Variants in SH3D19 observed in about 807,000 individuals in gnomAD.
The protein encoded by SH3D19 is SH3 domain-containing protein 19.
A neutral mutation model predicts 112.1 loss-of-function variants in SH3D19; 58 were observed. The ratio of observed to expected loss-of-function variants is 0.52; its 90% confidence interval spans 0.42 to 0.64. SH3D19 has a LOEUF of 0.64. Ranked by LOEUF, SH3D19 falls within the 30% of genes least tolerant of loss-of-function variation. The pLI, the probability that SH3D19 is intolerant of heterozygous loss-of-function variation, is 0.00. For synonymous variants in SH3D19, 391 were observed against 448.5 expected (o/e 0.87, Z 1.62); for missense variants, 1,090 against 1,263.4 (o/e 0.86, Z 2.08).
At chr4:151,164,926 C>T in intron 8 of SH3D19, among the ~76,000 whole-genome samples, 1 of 152,192 alleles carries the variant, frequency 6.6e-6, no homozygotes, top group Non-Finnish European at 1.5e-5. Flanking sequence ...TTGGTTACTG[C>T]TCTTCACCGA....
intron 1 of SH3D19, among the ~76,000 whole-genome samples, chr4:151,295,303 G>A (rs1237956613): frequency 4.6e-5 from 7 of 152,226 alleles, no homozygotes; most frequent in Non-Finnish European, 1.0e-4. Flanking sequence ...GATGGTAGCA[G>A]AGTCAGAACA....
At chr4:151,216,293 A>G (rs1168678394) in intron 2 of SH3D19, among the ~76,000 whole-genome samples, 1 of 152,244 alleles carries the variant, frequency 6.6e-6, no homozygotes, top group Non-Finnish European at 1.5e-5. Context: ...TAATCAATAC[A>G]TTTGAAGAAT....
intron 1 of SH3D19, chr4:151,262,591 C>G (rs1772460656): frequency 6.6e-6 from 1 of 152,262 alleles, no homozygotes; most frequent in African/African-American, 2.4e-5. Context: ...AGTGTCTGGA[C>G]AGGCCTAACT....
At chr4:151,182,043 C>T (rs901030671) in intron 3 of SH3D19, among the ~76,000 whole-genome samples, 6 of 151,754 alleles carry the variant, frequency 4.0e-5, no homozygotes, top group South Asian at 2.1e-4. Context: ...GGCTGGAGTG[C>T]GGTGGCACAA....
intron 1 of SH3D19, among the ~76,000 whole-genome samples, chr4:151,239,731 C>T (rs1453061342): frequency 1.3e-5 from 2 of 152,026 alleles, no homozygotes; most frequent in Non-Finnish European, 2.9e-5. Flanking sequence ...AGATAGAAGA[C>T]ATAAAAATTA....
chr4:151,280,050 A>C, intron 1 of SH3D19: 1 of 1,454,214 alleles, frequency 6.9e-7, no homozygotes. Flanking sequence ...TGAAAGTGGT[A>C]AAATAGGCAG....
intron 1 of SH3D19, among the ~76,000 whole-genome samples, chr4:151,264,323 C>A (rs545894341): frequency 6.8e-6 from 1 of 146,258 alleles, no homozygotes; most frequent in South Asian, 2.3e-4. Flanking sequence ...CCCAGCCACC[C>A]GGGAGGCTGA....
At chr4:151,202,522 A>T (rs1580134940) in intron 2 of SH3D19, among the ~76,000 whole-genome samples, 1 of 152,308 alleles carries the variant, frequency 6.6e-6, no homozygotes, top group East Asian at 1.9e-4. Flanking sequence ...ACTAAAGATG[A>T]TCCTCCTCAT....
At chr4:151,163,317 A>T (rs1244190269) in intron 8 of SH3D19, among the ~76,000 whole-genome samples, 1 of 152,216 alleles carries the variant, frequency 6.6e-6, no homozygotes, top group East Asian at 1.9e-4. Context: ...TGAATCATCA[A>T]ACCTGGGGGT....
chr4:151,206,956 C>T (rs1003004801), intron 2 of SH3D19, among the ~76,000 whole-genome samples: 12 of 152,192 alleles, frequency 7.9e-5, no homozygotes, highest in Admixed American at 6.5e-4. Flanking sequence ...GCATATCCTA[C>T]CAAGCCCAAA....
chr4:151,228,789 G>A lies in SH3D19; in HGVS notation c.113-2703C>T, dbSNP rs142347880. Among the ~76,000 whole-genome samples, 9 of 152,048 alleles carry A rather than the reference G, an allele frequency of 5.9e-5. No individual in the cohort carries two copies. In the East Asian group the frequency reaches 1.5e-3, roughly 26 times the overall value. ...AAATTTAATCTTGGCTATATATAGT[G>A]CTTTAAGTGTATGGATTTTATTTTA... On this transcript the variant is annotated intron_variant, in intron 1 of 19. Transcript: ENST00000604030.
At chr4:151,208,668 C>A (rs979753103) in intron 2 of SH3D19, among the ~76,000 whole-genome samples, 2 of 135,846 alleles carry the variant, frequency 1.5e-5, no homozygotes, top group African/African-American at 2.6e-5. Flanking sequence ...CTGTGCCCGG[C>A]CCCAGGAAAT....
intron 7 of SH3D19, among the ~76,000 whole-genome samples, chr4:151,169,223 T>C (rs1758623882): frequency 6.6e-6 from 1 of 152,236 alleles, no homozygotes; most frequent in African/African-American, 2.4e-5. Flanking sequence ...TAATTTTTAA[T>C]ACCGTTAGCT....
intron 7 of SH3D19, among the ~76,000 whole-genome samples, chr4:151,168,834 G>GA: frequency 6.6e-6 from 1 of 152,202 alleles, no homozygotes; most frequent in East Asian, 1.9e-4. Flanking sequence ...TGTGAAGGGG[G>GA]AAGAAAATCT....
chr4:151,317,129 G>C (rs1730065399), intron 1 of SH3D19, among the ~76,000 whole-genome samples: 1 of 152,194 alleles, frequency 6.6e-6, no homozygotes, highest in Non-Finnish European at 1.5e-5. Flanking sequence ...GCCCTCACCA[G>C]GGAGACACCG....
intron 1 of SH3D19, among the ~76,000 whole-genome samples, chr4:151,280,660 T>C (rs1333787208): frequency 1.3e-5 from 2 of 152,082 alleles, no homozygotes; most frequent in African/African-American, 4.8e-5. Flanking sequence ...GTGTGGCAGC[T>C]TGCACCTGTA....
At chr4:151,264,523 A>G (rs1237284971) in intron 1 of SH3D19, among the ~76,000 whole-genome samples, 1 of 152,124 alleles carries the variant, frequency 6.6e-6, no homozygotes, top group Admixed American at 6.5e-5. Flanking sequence ...CAAGGTGTGA[A>G]TATCAGGAGC....
chr4:151,209,852 C>T (rs1561347136), intron 2 of SH3D19, among the ~76,000 whole-genome samples: 1 of 152,066 alleles, frequency 6.6e-6, no homozygotes, highest in East Asian at 1.9e-4. Context: ...TAGTACAAGA[C>T]CCCTTTTGGA....
intron 1 of SH3D19, among the ~76,000 whole-genome samples, chr4:151,295,820 G>A (rs1248165037): frequency 4.6e-5 from 7 of 152,064 alleles, no homozygotes; most frequent in Admixed American, 6.5e-5. Context: ...GGCGGATCAC[G>A]AGGTCAGGAG....
Sources: allele counts gnomAD v4.1 joint callset (sites outside exome capture counted in the v4.1 genomes callset), GRCh38; gene constraint gnomAD v4.1.1; transcripts MANE v1.5; gene names NCBI Gene and HGNC (gene_info 2026-07-23, HGNC 2026-07-21).